NOS1AP: variants seen among roughly 807,000 people sequenced by gnomAD.
NOS1AP encodes the protein nitric oxide synthase 1 adaptor protein.
A neutral mutation model predicts 56.2 loss-of-function variants in NOS1AP; 21 were observed. The ratio of observed to expected loss-of-function variants is 0.37; its 90% CI spans 0.26 to 0.54. NOS1AP has a LOEUF of 0.54. Ranked by LOEUF, NOS1AP falls within the 20% of genes least tolerant of loss-of-function variation. The pLI is 0.84. For missense variants in NOS1AP, 522 were observed against 657.8 expected, an observed-to-expected ratio of 0.79 and a Z score of 2.26; for synonymous variants, 270 against 274.6, an observed-to-expected ratio of 0.98 and a Z score of 0.17.
chr1:162,174,016 C>A (rs1223480386), intron 2 of NOS1AP, among the ~76,000 whole-genome samples: 2 of 152,256 alleles, frequency 1.3e-5, no homozygotes, highest in Admixed American at 6.5e-5. Flanking sequence ...CCTCAGGGAT[C>A]TAGAACTAGA....
At chr1:162,175,630 G>A (rs961317977) in intron 2 of NOS1AP, among the ~76,000 whole-genome samples, 3 of 152,098 alleles carry the variant, frequency 2.0e-5, no homozygotes, top group Admixed American at 6.6e-5. Context: ...GGGTGGGGGC[G>A]GTCGGTTAGT....
At chr1:162,307,553 C>T (rs1655875877) in intron 4 of NOS1AP, among the ~76,000 whole-genome samples, 1 of 152,140 alleles carries the variant, frequency 6.6e-6, no homozygotes, top group African/African-American at 2.4e-5. Context: ...CCTGTAATCC[C>T]AGCACTTTGG....
At chr1:162,113,602 C>A (rs1440240616) in intron 1 of NOS1AP, among the ~76,000 whole-genome samples, 2 of 152,164 alleles carry the variant, frequency 1.3e-5, no homozygotes, top group Non-Finnish European at 2.9e-5. Flanking sequence ...GAAGCCAGCA[C>A]TTTACATGGC....
intron 1 of NOS1AP, among the ~76,000 whole-genome samples, chr1:162,081,774 A>ATATATATATAT: frequency 4.5e-5 from 2 of 44,050 alleles, no homozygotes; most frequent in African/African-American, 7.6e-5. Flanking sequence ...ATATATATAT[A>ATATATATATAT]TTTTTTTTTT....
intron 8 of NOS1AP, 26 bp downstream of exon 8, chr1:162,357,162 C>T (rs767788847): frequency 1.7e-5 from 27 of 1,598,210 alleles, no homozygotes; most frequent in South Asian, 2.2e-5. Context: ...CTCCCTACTT[C>T]GCAGGCTCCA....
intron 1 of NOS1AP, among the ~76,000 whole-genome samples, chr1:162,073,636 T>G (rs1363903526): frequency 6.6e-6 from 1 of 152,186 alleles, no homozygotes; most frequent in African/African-American, 2.4e-5. Context: ...AATTTTGTAT[T>G]TTTTGTAGAG....
At chr1:162,111,706 A>G (rs1426598857) in intron 1 of NOS1AP, among the ~76,000 whole-genome samples, 1 of 152,258 alleles carries the variant, frequency 6.6e-6, no homozygotes, top group Non-Finnish European at 1.5e-5. Flanking sequence ...AGAGAGGTCA[A>G]TGCCTGCCAA....
At chr1:162,095,945 TTC>T (rs1165088424) in intron 1 of NOS1AP, among the ~76,000 whole-genome samples, 1 of 152,248 alleles carries the variant, frequency 6.6e-6, no homozygotes, top group Non-Finnish European at 1.5e-5. Context: ...TGTAGACAGT[TTC>T]TCTGAGCTTG....
At chr1:162,243,995 G>A (rs76102283) in intron 2 of NOS1AP, among the ~76,000 whole-genome samples, 6 of 152,268 alleles carry the variant, frequency 3.9e-5, no homozygotes, top group South Asian at 2.1e-4. Context: ...TCAGAGCTCC[G>A]TCTGGATTTT....
chr1:162,081,772 ATAT>A (rs1270786138), intron 1 of NOS1AP, among the ~76,000 whole-genome samples: 1 of 29,980 alleles, frequency 3.3e-5, no homozygotes, highest in Non-Finnish European at 7.7e-5. Flanking sequence ...ATATATATAT[ATAT>A]TTTTTTTTTG....
chr1:162,213,045 T>A (rs887069184), intron 2 of NOS1AP, among the ~76,000 whole-genome samples: 2 of 152,114 alleles, frequency 1.3e-5, no homozygotes, highest in Non-Finnish European at 2.9e-5. Flanking sequence ...GGGCATTGTG[T>A]CTAGGAAAAG....
intron 2 of NOS1AP, among the ~76,000 whole-genome samples, chr1:162,233,906 T>C (rs1205407065): frequency 6.6e-6 from 1 of 152,226 alleles, no homozygotes; most frequent in Admixed American, 6.5e-5. Context: ...TGGAATGGTT[T>C]GTGATTTTCT....
intron 9 of NOS1AP, 109 bp downstream of exon 9, chr1:162,365,678 T>C (rs1380684982): frequency 7.5e-7 from 1 of 1,342,176 alleles, no homozygotes; most frequent in Non-Finnish European, 1.0e-6. Flanking sequence ...CCTACCCCTA[T>C]ATTCCAGCAG....
At chr1:162,332,526 G>T (rs1656805716) in intron 4 of NOS1AP, among the ~76,000 whole-genome samples, 1 of 152,032 alleles carries the variant, frequency 6.6e-6, no homozygotes, top group African/African-American at 2.4e-5. Context: ...GGCAGAGAGG[G>T]GACAGAGAGT....
chr1:162,293,059 A>T (rs1015356541), intron 3 of NOS1AP, among the ~76,000 whole-genome samples: 1 of 152,162 alleles, frequency 6.6e-6, no homozygotes, highest in Non-Finnish European at 1.5e-5. Flanking sequence ...AAACAGGCCT[A>T]TTAGGAATTG....
chr1:162,238,367 G>A (rs1337422755), intron 2 of NOS1AP, among the ~76,000 whole-genome samples: 3 of 152,088 alleles, frequency 2.0e-5, no homozygotes, highest in Admixed American at 2.0e-4. Context: ...GTCTACAGGG[G>A]AAGGGTTAGG....
intron 2 of NOS1AP, among the ~76,000 whole-genome samples, chr1:162,165,555 CGCAGA>C (rs2102118579): frequency 6.6e-6 from 1 of 152,228 alleles, no homozygotes; most frequent in East Asian, 1.9e-4. Flanking sequence ...TGCCATAGCT[CGCAGA>C]GGTGGTAAGT....
intron 3 of NOS1AP, among the ~76,000 whole-genome samples, chr1:162,294,023 C>G (rs575289976): frequency 6.8e-4 from 104 of 152,238 alleles, no homozygotes; most frequent in African/African-American, 2.3e-3. Flanking sequence ...CTGTGTTAGT[C>G]TAGGTCCTGT....
At chr1:162,351,358 C>A (rs1657488699) in intron 6 of NOS1AP, among the ~76,000 whole-genome samples, 1 of 152,226 alleles carries the variant, frequency 6.6e-6, no homozygotes, top group African/African-American at 2.4e-5. Flanking sequence ...CCCAATTCTA[C>A]ATTAACTCAG....
Sources: allele counts gnomAD v4.1 joint callset (sites outside exome capture counted in the v4.1 genomes callset), GRCh38; gene constraint gnomAD v4.1.1; transcripts MANE v1.5; gene names NCBI Gene and HGNC (gene_info 2026-07-23, HGNC 2026-07-21).